DHRSX: variants seen among roughly 807,000 people sequenced by gnomAD.
The protein encoded by DHRSX is polyprenol dehydrogenase.
Under a neutral mutation model 34.0 loss-of-function variants are expected in DHRSX, and 31 were observed. That is an observed-to-expected ratio of 0.91 (90% confidence interval 0.69 to 1.23). The LOEUF (loss-of-function observed/expected upper bound fraction) is 1.23, where lower values mean the gene tolerates loss of function less well. DHRSX is among the 50% of genes most tolerant of loss of function. The pLI, the probability that DHRSX is intolerant of heterozygous loss-of-function variation, is 0.00. For missense variants in DHRSX, 414 were observed against 428.1 expected (o/e 0.97, Z 0.29); for synonymous variants, 201 against 183.8 (o/e 1.09, Z -0.76).
At chrX:2,481,828 C>CA (rs1018912438) in intron 1 of DHRSX, among the ~76,000 whole-genome samples, 79 of 74,878 alleles carry the variant, frequency 1.1e-3, no homozygotes, top group African/African-American at 5.4e-3. Context: ...CTAACACACA[C>CA]CATGGCAGGG....
intron 1 of DHRSX, among the ~76,000 whole-genome samples, chrX:2,469,325 C>T (rs1385331810): frequency 4.0e-5 from 6 of 151,614 alleles, no homozygotes; most frequent in African/African-American, 1.5e-4. Flanking sequence ...TAAGGGACCG[C>T]CGCCATGTAC....
At chrX:2,263,515 T>TC (rs1414769633) in intron 5 of DHRSX, among the ~76,000 whole-genome samples, 10 of 135,652 alleles carry the variant, frequency 7.4e-5, no homozygotes, top group Non-Finnish European at 1.2e-4. Flanking sequence ...TTTCTTTCTT[T>TC]TTTTTTTTTT....
At chrX:2,342,737 A>G (rs1217097723) in intron 3 of DHRSX, among the ~76,000 whole-genome samples, 1 of 152,136 alleles carries the variant, frequency 6.6e-6, no homozygotes, top group African/African-American at 2.4e-5. Flanking sequence ...ACATAACAAA[A>G]GCAAAGTTAA....
intron 6 of DHRSX, among the ~76,000 whole-genome samples, chrX:2,236,527 G>C (rs2016019634): frequency 6.6e-6 from 1 of 152,144 alleles, no homozygotes; most frequent in Admixed American, 6.5e-5. Flanking sequence ...CTGCTCCCGG[G>C]TTCAAGCGAT....
At chrX:2,342,306 C>T (rs73630279) in intron 3 of DHRSX, among the ~76,000 whole-genome samples, 4,736 of 152,144 alleles carry the variant, frequency 0.031, 274 homozygotes, top group African/African-American at 0.11. Context: ...CAAGCCCTGA[C>T]TTCTCTCTTC....
intron 3 of DHRSX, among the ~76,000 whole-genome samples, chrX:2,406,693 G>A (rs80272722): frequency 0.06 from 9,043 of 151,968 alleles, 401 homozygotes; most frequent in Non-Finnish European, 0.1. Context: ...CACCCGCCTC[G>A]GCCTCCCAAA....
In DHRSX at chrX:2,243,058, G is replaced by T. The variant is rs781555723; in HGVS notation, c.769C>A (p.Leu257Met). Residue 257 changes from leucine to methionine, a missense_variant, in exon 6 of 7, where the codon CTG becomes ATG. Coordinates refer to ENST00000334651, the MANE Select transcript of DHRSX (RefSeq NM_145177.3). ...VYKHVFWATR[L>M]AKKLLGWLLF... ...AACCAGCCGAGAAGCTTCTTCGCCAGACGGGTGGCCCAGAACACGTGCTTG... is the reference window on the plus strand; with the variant it reads ...AACCAGCCGAGAAGCTTCTTCGCCATACGGGTGGCCCAGAACACGTGCTTG... The T allele has an allele frequency of 6.2e-7, 1 of 1,613,810 alleles. No homozygotes were observed. The highest frequency in any genetic ancestry group is 8.5e-7 in the Non-Finnish European group (1 of 1,179,756).
At chrX:2,225,164 ACT>A (rs1488449741) in intron 6 of DHRSX, among the ~76,000 whole-genome samples, 1 of 123,800 alleles carries the variant, frequency 8.1e-6, no homozygotes, top group Admixed American at 8.0e-5. Flanking sequence ...ATTCACATGC[ACT>A]CACACACGCA....
intron 1 of DHRSX, chrX:2,500,600 G>T (rs1317376848): frequency 7.9e-5 from 16 of 201,644 alleles, no homozygotes; most frequent in Admixed American, 3.0e-4. Flanking sequence ...CAGGCGCGCA[G>T]AAGAGCCGGC....
At chrX:2,496,179 T>C (rs1190859527) in intron 1 of DHRSX, among the ~76,000 whole-genome samples, 1 of 151,802 alleles carries the variant, frequency 6.6e-6, no homozygotes, top group African/African-American at 2.4e-5. Context: ...AAGAGGTTTT[T>C]ATTTTTGTTT....
chrX:2,269,221 A>G (rs1440715244), intron 4 of DHRSX, among the ~76,000 whole-genome samples: 1 of 152,216 alleles, frequency 6.6e-6, no homozygotes, highest in African/African-American at 2.4e-5. Context: ...TTTCCTATGC[A>G]TATGCATTTG....
chrX:2,367,746 A>G (rs1008267029), intron 3 of DHRSX, among the ~76,000 whole-genome samples: 3 of 152,196 alleles, frequency 2.0e-5, no homozygotes, highest in African/African-American at 7.2e-5. Context: ...CATAATTTAT[A>G]ACTAATTTAG....
chrX:2,338,095 G>A (rs2042592851), intron 3 of DHRSX: 1 of 151,754 alleles, frequency 6.6e-6, no homozygotes, highest in Non-Finnish European at 1.5e-5. Context: ...CATTTTGGGA[G>A]GCCGAGGCCA....
intron 2 of DHRSX, among the ~76,000 whole-genome samples, chrX:2,415,366 C>G (rs1233684295): frequency 6.6e-6 from 1 of 151,746 alleles, no homozygotes; most frequent in African/African-American, 2.4e-5. Flanking sequence ...TCATCATAAC[C>G]TAACCCAACT....
rs143715646 is a variant in DHRSX, at chrX:2,252,870, C to T, written c.597-9640G>A. Among the ~76,000 whole-genome samples the T allele has an allele frequency of 8.3e-3, 1,262 of 152,230 alleles. 15 individuals carry two copies. The highest frequency in any genetic ancestry group is 0.029 in the African/African-American group (1,197 of 41,530). On this transcript the variant is annotated intron_variant, in intron 5 of 6. Coordinates refer to ENST00000334651, the MANE Select transcript of DHRSX (RefSeq NM_145177.3). ...TGCCCATTAAGGTCTGTAAATGAAA[C>T]CCTAAGGACTCTGACAAAAGTCGTT...
intron 3 of DHRSX, among the ~76,000 whole-genome samples, chrX:2,401,374 G>A (rs2043483838): frequency 6.6e-6 from 1 of 152,210 alleles, no homozygotes; most frequent in African/African-American, 2.4e-5. Flanking sequence ...GCCTCCCAAA[G>A]AGCTGGGATG....
chrX:2,394,771 C>T lies in DHRSX; in HGVS notation c.286+13974G>A, dbSNP rs188615125. On this transcript the variant is annotated intron_variant, in intron 3 of 6. Coordinates refer to ENST00000334651, the MANE Select transcript of DHRSX (RefSeq NM_145177.3). ...GTCCCAGCTACTCAGTAGGCTGAGG[C>T]GGGAGAATGGCGTGAACCTGGGAGG... Among the ~76,000 whole-genome samples, 1,315 of 151,584 alleles carry T rather than the reference C, an allele frequency of 8.7e-3. 7 individuals are homozygous for T. Among genetic ancestry groups the T allele is most frequent in the Non-Finnish European group, 0.014 (971 of 67,910 alleles).
intron 1 of DHRSX, among the ~76,000 whole-genome samples, chrX:2,450,402 C>T (rs1216545110): frequency 2.0e-5 from 3 of 152,016 alleles, no homozygotes; most frequent in African/African-American, 7.3e-5. Flanking sequence ...GTGAAGGTTG[C>T]AGCGAGCCAA....
intron 6 of DHRSX, among the ~76,000 whole-genome samples, chrX:2,227,664 A>G: frequency 1.1e-5 from 1 of 94,664 alleles, no homozygotes; most frequent in African/African-American, 4.5e-5. Flanking sequence ...GGAAGGAAGG[A>G]AAAGAGACAG....
Sources: allele counts gnomAD v4.1 joint callset (sites outside exome capture counted in the v4.1 genomes callset), GRCh38; gene constraint gnomAD v4.1.1; transcripts MANE v1.5; gene names NCBI Gene and HGNC (gene_info 2026-07-23, HGNC 2026-07-21).